Variants in PLEKHG1 observed in about 807,000 individuals in gnomAD.
The protein encoded by PLEKHG1 is pleckstrin homology domain-containing family G member 1.
PLEKHG1 carries 44 observed loss-of-function variants against 100.8 expected under a neutral mutation model. That is an observed-to-expected ratio of 0.44 (90% CI 0.34 to 0.56). PLEKHG1 has a LOEUF of 0.56. Among genes scored for constraint, PLEKHG1 ranks in the 20% least tolerant of loss-of-function variants. The pLI, the probability that PLEKHG1 is intolerant of heterozygous loss-of-function variation, is 0.01. For missense variants in PLEKHG1, 1,545 were observed against 1,720.9 expected, an observed-to-expected ratio of 0.90 and a Z score of 1.81; for synonymous variants, 640 against 662.5, an observed-to-expected ratio of 0.97 and a Z score of 0.52.
At chr6:150,738,433 AT>A (rs1269164893) in intron 2 of PLEKHG1, among the ~76,000 whole-genome samples, 1 of 152,208 alleles carries the variant, frequency 6.6e-6, no homozygotes, top group African/African-American at 2.4e-5. Flanking sequence ...AGAGCAGCTT[AT>A]TTCTGAGAAG....
At chr6:150,784,451 T>C (rs1035252332) in intron 3 of PLEKHG1, among the ~76,000 whole-genome samples, 5 of 152,172 alleles carry the variant, frequency 3.3e-5, no homozygotes, top group Non-Finnish European at 7.4e-5. Flanking sequence ...AGGGAGAACA[T>C]TTTTGAAACA....
intron 3 of PLEKHG1, among the ~76,000 whole-genome samples, chr6:150,713,866 T>C (rs1419984578): frequency 1.3e-5 from 2 of 152,176 alleles, no homozygotes; most frequent in African/African-American, 4.8e-5. Flanking sequence ...TTTGCCTCTC[T>C]CCTCTGCCAG....
chr6:150,614,375 T>C (rs1776974155), intron 1 of PLEKHG1, among the ~76,000 whole-genome samples: 1 of 152,228 alleles, frequency 6.6e-6, no homozygotes, highest in African/African-American at 2.4e-5. Flanking sequence ...CGTACTATTT[T>C]CTAGCTAGTT....
At chr6:150,633,803 G>A (rs926649832) in intron 1 of PLEKHG1, among the ~76,000 whole-genome samples, 5 of 152,158 alleles carry the variant, frequency 3.3e-5, no homozygotes, top group Non-Finnish European at 5.9e-5. Context: ...ATCATCCTCC[G>A]TGGAGGCTGA....
At chr6:150,634,363 A>G (rs1420131988) in intron 1 of PLEKHG1, among the ~76,000 whole-genome samples, 5 of 152,064 alleles carry the variant, frequency 3.3e-5, no homozygotes, top group Non-Finnish European at 7.4e-5. Context: ...GGCCTAGGGT[A>G]GGCTAGGAGA....
chr6:150,784,278 A>G (rs1241560876), intron 3 of PLEKHG1, among the ~76,000 whole-genome samples: 1 of 152,250 alleles, frequency 6.6e-6, no homozygotes, highest in African/African-American at 2.4e-5. Flanking sequence ...GAAAACTTTA[A>G]AAGCTTTCAG....
intron 3 of PLEKHG1, among the ~76,000 whole-genome samples, chr6:150,674,090 G>T (rs1779661761): frequency 1.3e-5 from 2 of 152,164 alleles, no homozygotes; most frequent in African/African-American, 4.8e-5. Context: ...ATCTTTGAAT[G>T]TGTATCAGCC....
chr6:150,613,722 T>C (rs1298324846), intron 1 of PLEKHG1, among the ~76,000 whole-genome samples: 5 of 152,040 alleles, frequency 3.3e-5, no homozygotes, highest in Non-Finnish European at 5.9e-5. Flanking sequence ...CCAGAAAGCC[T>C]TACTCATCGC....
At chr6:150,643,674 G>A (rs974592588) in intron 2 of PLEKHG1, among the ~76,000 whole-genome samples, 1 of 152,136 alleles carries the variant, frequency 6.6e-6, no homozygotes, top group South Asian at 2.1e-4. Context: ...AATGTGAGCC[G>A]TGTTTCTTGA....
intron 4 of PLEKHG1, among the ~76,000 whole-genome samples, chr6:150,787,277 G>A (rs724162): frequency 0.032 from 4,922 of 152,194 alleles, 151 homozygotes; most frequent in Admixed American, 0.095. Context: ...TGCATCAGTG[G>A]TTTCGAAAAA....
At chr6:150,747,119 G>A (rs1003990574) in intron 2 of PLEKHG1, among the ~76,000 whole-genome samples, 3 of 152,206 alleles carry the variant, frequency 2.0e-5, no homozygotes, top group African/African-American at 7.2e-5. Flanking sequence ...GGTCTTGTTC[G>A]GTTGGGTTAG....
intron 1 of PLEKHG1, among the ~76,000 whole-genome samples, chr6:150,729,172 G>A (rs1196320597): frequency 6.6e-6 from 1 of 152,146 alleles, no homozygotes; most frequent in Non-Finnish European, 1.5e-5. Context: ...GCTTACCACA[G>A]CCTTGACTCC....
At chr6:150,685,134 T>C (rs58824807) in intron 3 of PLEKHG1, among the ~76,000 whole-genome samples, 29,263 of 151,874 alleles carry the variant, frequency 0.19, 2,885 homozygotes, top group South Asian at 0.26. Flanking sequence ...TGGGCCGTTC[T>C]TCAAGATCTC....
intron 1 of PLEKHG1, among the ~76,000 whole-genome samples, chr6:150,601,766 G>A (rs560488216): frequency 1.3e-5 from 2 of 152,094 alleles, no homozygotes; most frequent in Non-Finnish European, 2.9e-5. Context: ...CTGCTAAAGG[G>A]CAAAGCAAAG....
chr6:150,604,210 A>G (rs1776491091), intron 1 of PLEKHG1, among the ~76,000 whole-genome samples: 1 of 152,350 alleles, frequency 6.6e-6, no homozygotes, highest in Non-Finnish European at 1.5e-5. Context: ...TTAATCCATA[A>G]ATCATCATAG....
intron 3 of PLEKHG1, among the ~76,000 whole-genome samples, chr6:150,713,307 A>G (rs553543720): frequency 1.3e-5 from 2 of 152,272 alleles, no homozygotes; most frequent in Admixed American, 6.5e-5. Context: ...GTAGTAAGTC[A>G]TCTCAACTCA....
At chr6:150,673,671 C>T (rs934421796) in intron 3 of PLEKHG1, among the ~76,000 whole-genome samples, 2 of 151,308 alleles carry the variant, frequency 1.3e-5, no homozygotes, top group Non-Finnish European at 2.9e-5. Context: ...TCCCCTCCCT[C>T]TCCTCCTTTT....
At chr6:150,684,393 G>C (rs1263032256) in intron 3 of PLEKHG1, among the ~76,000 whole-genome samples, 1 of 152,212 alleles carries the variant, frequency 6.6e-6, no homozygotes, top group African/African-American at 2.4e-5. Context: ...CACAAAGGAG[G>C]TTCTCCTACG....
chr6:150,641,020 G>A (rs1028959682), intron 2 of PLEKHG1, among the ~76,000 whole-genome samples: 2 of 152,112 alleles, frequency 1.3e-5, no homozygotes, highest in South Asian at 2.1e-4. Flanking sequence ...GCTAGAGAAT[G>A]CTCTAGCTTA....
Sources: gnomAD v4.1 joint callset for allele counts (sites outside exome capture counted in the v4.1 genomes callset) on GRCh38, gnomAD v4.1.1 for gene constraint, MANE v1.5 for transcripts, NCBI Gene and HGNC (gene_info 2026-07-23, HGNC 2026-07-21) for gene names.